SNX29: variants seen among roughly 807,000 people sequenced by gnomAD.
SNX29 encodes the protein sorting nexin 29.
A neutral mutation model predicts 102.1 loss-of-function variants in SNX29; 78 were observed. That is an observed-to-expected ratio of 0.76 (90% CI 0.64 to 0.92). The LOEUF (loss-of-function observed/expected upper bound fraction) is 0.92. Among genes scored for constraint, SNX29 ranks in the 40% least tolerant of loss-of-function variants. SNX29 has a pLI of 0.00. For missense variants in SNX29, 1,280 were observed against 1,061.7 expected, an observed-to-expected ratio of 1.21 and a Z score of -2.86; for synonymous variants, 580 against 414.5, an observed-to-expected ratio of 1.40 and a Z score of -4.85.
chr16:12,545,665 C>A (rs1165708428), intron 20 of SNX29: 1 of 152,238 alleles, frequency 6.6e-6, no homozygotes, highest in Non-Finnish European at 1.5e-5. Context: ...CCCTTCCCAG[C>A]TTCTAGGCTC....
At chr16:12,065,388 A>G (rs1462404191) in intron 9 of SNX29, among the ~76,000 whole-genome samples, 1 of 152,238 alleles carries the variant, frequency 6.6e-6, no homozygotes, top group Admixed American at 6.5e-5. Flanking sequence ...ATCACCTGTC[A>G]GTACAAGGTG....
chr16:12,303,501 G>A (rs953474725), intron 15 of SNX29, among the ~76,000 whole-genome samples: 2 of 152,164 alleles, frequency 1.3e-5, no homozygotes, highest in Admixed American at 6.5e-5. Context: ...AAACACATTC[G>A]TAAGAATATG....
chr16:12,507,882 A>G (rs986373469), intron 19 of SNX29, among the ~76,000 whole-genome samples: 11 of 152,170 alleles, frequency 7.2e-5, no homozygotes, highest in African/African-American at 1.7e-4. Flanking sequence ...GCATGGCACC[A>G]GGCACACGGT....
intron 18 of SNX29, among the ~76,000 whole-genome samples, chr16:12,425,418 G>C (rs2085025647): frequency 6.6e-6 from 1 of 151,626 alleles, no homozygotes; most frequent in African/African-American, 2.4e-5. Flanking sequence ...TTATCACTTA[G>C]TCACCGGAGC....
chr16:12,063,688 C>G (rs898009910), intron 9 of SNX29, among the ~76,000 whole-genome samples: 2 of 151,984 alleles, frequency 1.3e-5, no homozygotes. Context: ...CTTTTCTAGT[C>G]CGTCTTTGCT....
intron 20 of SNX29, among the ~76,000 whole-genome samples, chr16:12,559,887 G>T (rs931732730): frequency 6.6e-6 from 1 of 152,160 alleles, no homozygotes; most frequent in East Asian, 1.9e-4. Flanking sequence ...GCTGAGGCAG[G>T]AGAATGGCAT....
chr16:12,434,613 A>G (rs898478788), intron 18 of SNX29, among the ~76,000 whole-genome samples: 1 of 152,074 alleles, frequency 6.6e-6, no homozygotes, highest in Non-Finnish European at 1.5e-5. Flanking sequence ...GGGCCTTCCC[A>G]TAACCCACCC....
intron 16 of SNX29, among the ~76,000 whole-genome samples, chr16:12,380,418 CCCCT>C: frequency 9.1e-6 from 1 of 110,012 alleles, no homozygotes; most frequent in South Asian, 3.8e-4. Context: ...CACCCACCCA[CCCCT>C]CATCCATCCA....
chr16:12,052,217 C>T lies in SNX29; in HGVS notation c.1119C>T (p.Pro373=), dbSNP rs770138155. The change falls in exon 8 of 21, where the codon CCC becomes CCT. Residue 373 remains proline (P), a synonymous_variant. Transcript: ENST00000566228. ...GRKHRGHSES[P]EKPLEGNTCL... is the part of the protein sequence containing the mutation. The stretch of plus-strand genomic sequence containing the variant: ...AGCACAGGGGCCACTCGGAGTCGCC[C>T]GAGAAGTAAGTTTGTGTGTAAGGTG... 9.9e-6 allele frequency: 16 copies of T among 1,613,634 alleles called. No homozygotes were observed. The highest frequency in any genetic ancestry group is 6.7e-5 in the East Asian group (3 of 44,892).
chr16:12,441,121 T>C (rs2085785655), intron 18 of SNX29, among the ~76,000 whole-genome samples: 2 of 147,790 alleles, frequency 1.4e-5, no homozygotes, highest in Admixed American at 6.8e-5. Flanking sequence ...TGATGGAGTT[T>C]CTGTCGCCCA....
intron 2 of SNX29, among the ~76,000 whole-genome samples, chr16:12,000,787 C>T (rs879238934): frequency 3.3e-5 from 5 of 152,156 alleles, no homozygotes; most frequent in Admixed American, 2.6e-4. Flanking sequence ...TTGGCTCAGA[C>T]GTAGCTGGAA....
In SNX29 at chr16:12,568,781, T is replaced by A; in HGVS notation, c.*152T>A. The A allele has an allele frequency of 8.3e-7, 1 of 1,210,686 alleles. No individual in the cohort carries two copies. Among genetic ancestry groups the A allele is most frequent in the Admixed American group, 2.7e-5 (1 of 37,386 alleles). 75.0% of individuals were successfully genotyped at this position (1,210,686 alleles called of 1,614,324 possible). The stretch of plus-strand genomic sequence containing the variant: ...CCCAACAGTTACACAACACCCCGAT[T>A]AAACTAATCAGTCTTCGAGCCGCAT... On this transcript the variant is annotated 3_prime_UTR_variant, in exon 21 of 21. Coordinates refer to ENST00000566228, the MANE Select transcript of SNX29 (RefSeq NM_032167.5).
In SNX29 at chr16:12,545,164, A is replaced by T. The variant is rs546613932; in HGVS notation, c.2318+20323A>T. Among the ~76,000 whole-genome samples, 12 of 152,332 alleles carry T rather than the reference A, an allele frequency of 7.9e-5. No homozygotes were observed. The South Asian group carries it at 2.5e-3, about 32-fold the overall frequency. On this transcript the variant is annotated intron_variant, in intron 20 of 20. Transcript: ENST00000566228. ...AGCTATGAAGTACAGACACTCTGCC[A>T]GCCGTCAGAGAAACAAATATGGTCA...
At chr16:12,366,434 T>C (rs987892355) in intron 16 of SNX29, among the ~76,000 whole-genome samples, 16 of 152,224 alleles carry the variant, frequency 1.1e-4, no homozygotes, top group African/African-American at 3.1e-4. Flanking sequence ...TTTATTGATG[T>C]ACTAGCTAGC....
intron 18 of SNX29, among the ~76,000 whole-genome samples, chr16:12,465,568 G>T (rs1335279054): frequency 1.3e-5 from 2 of 152,110 alleles, no homozygotes; most frequent in Admixed American, 6.5e-5. Context: ...CATGGTCTAT[G>T]TGTCTGTTTT....
chr16:12,088,197 C>T (rs1353924949), intron 11 of SNX29: 2 of 443,262 alleles, frequency 4.5e-6, no homozygotes, highest in Admixed American at 2.4e-5. Flanking sequence ...TAGAGAGAGA[C>T]AGGAGAGGCA....
intron 4 of SNX29, among the ~76,000 whole-genome samples, chr16:12,042,389 T>C (rs1458380601): frequency 1.3e-5 from 2 of 152,186 alleles, no homozygotes; most frequent in Non-Finnish European, 2.9e-5. Flanking sequence ...GTACATTGCG[T>C]GATGCCGAGG....
Position 12,266,293 on chromosome 16 carries a change from G to A in SNX29, c.1679-11640G>A, listed in dbSNP as rs138899318. Among the ~76,000 whole-genome samples the A allele has an allele frequency of 1.5e-3, 221 of 152,196 alleles. 1 individual carries two copies. Among genetic ancestry groups the A allele is most frequent in the African/African-American group, 4.7e-3 (196 of 41,528 alleles). ...CATTTTTGCCGCCACACGTATGGGG[G>A]TTTCTTCCACACTAGGCAATTCTCC... is the stretch of plus-strand genomic sequence containing the variant. On this transcript the variant is annotated intron_variant, in intron 14 of 20. Coordinates refer to ENST00000566228, the MANE Select transcript of SNX29 (RefSeq NM_032167.5).
At chr16:12,517,719 A>T (rs1424120167) in intron 19 of SNX29, among the ~76,000 whole-genome samples, 1 of 152,050 alleles carries the variant, frequency 6.6e-6, no homozygotes, top group South Asian at 2.1e-4. Flanking sequence ...GAGGTGGGGG[A>T]GTTAGCAAGA....
Sources: gnomAD v4.1 joint callset for allele counts (sites outside exome capture counted in the v4.1 genomes callset) on GRCh38, gnomAD v4.1.1 for gene constraint, MANE v1.5 for transcripts, NCBI Gene and HGNC (gene_info 2026-07-23, HGNC 2026-07-21) for gene names.